The following SLC7A1 variants were observed in gnomAD, a reference collection of about 807,000 sequenced individuals.
SLC7A1 encodes high affinity cationic amino acid transporter 1.
A neutral mutation model predicts 53.9 loss-of-function variants in SLC7A1; 10 were observed. The ratio of observed to expected loss-of-function variants is 0.19; its 90% CI spans 0.11 to 0.31. The LOEUF (loss-of-function observed/expected upper bound fraction) is 0.31, where lower values mean the gene tolerates loss of function less well. Ranked by LOEUF, SLC7A1 falls within the 10% of genes least tolerant of loss-of-function variation. The probability of loss-of-function intolerance (pLI) is 1.00; values close to 1 mark genes in which losing one functional copy is unlikely to be tolerated. For missense variants in SLC7A1, 525 were observed against 827.2 expected (o/e 0.63, Z 4.48); for synonymous variants, 342 against 338.7 (o/e 1.01, Z -0.11).
chr13:29,565,225 T>C (rs770792444), intron 1 of SLC7A1, among the ~76,000 whole-genome samples: 40 of 152,250 alleles, frequency 2.6e-4, no homozygotes, highest in Non-Finnish European at 4.6e-4. Context: ...ATACAGACCT[T>C]TCCAGTGAGG....
In SLC7A1 at chr13:29,511,050, C is replaced by G. The variant is rs1219602776; in HGVS notation, c.*3430G>C. The G allele has an allele frequency of 6.6e-6, 1 of 152,366 alleles. No individual in the cohort carries two copies. Among genetic ancestry groups the G allele is most frequent in the African/African-American group, 2.4e-5 (1 of 41,474 alleles). 9.4% of individuals were successfully genotyped at this position (152,366 alleles called of 1,614,324 possible). ...CCAGTTCACAATGCCTGCTCCGTGG[C>G]AGGGGCACGGCAGGGAGGAGCTGGT... On this transcript the variant is annotated 3_prime_UTR_variant, in exon 13 of 13. Transcript: ENST00000380752.
In SLC7A1 at chr13:29,510,871, CTGCGTCGCGCAA is replaced by C. The variant is rs1883370009; in HGVS notation, c.*3597_*3608del. ...GGCAGGCTTGCTTTAGCATTGAGTC[CTGCGTCGCGCAA>C]TGCCCAGGACCTTGCCTGTTAAGTC... On this transcript the variant is annotated 3_prime_UTR_variant, in exon 13 of 13. Coordinates refer to ENST00000380752, the MANE Select transcript of SLC7A1 (RefSeq NM_003045.5). The C allele has an allele frequency of 6.6e-6, 1 of 152,290 alleles. No individual in the cohort carries two copies. The highest frequency in any genetic ancestry group is 2.4e-5 in the African/African-American group (1 of 41,474). The allele number at this position is 152,290 out of a possible 1,614,324, so 9.4% of individuals were successfully genotyped here.
rs781430231 is a variant in SLC7A1, at chr13:29,524,300, T to C, written c.705-47A>G. On this transcript the variant is annotated intron_variant, in intron 5 of 12. Transcript: ENST00000380752. ...AAATGTCACGTCACTCGCTGCGCAG[T>C]CTGGCGTAAGGAGCTGTGCTCATCT... 20 of 1,612,252 alleles carry C rather than the reference T, an allele frequency of 1.2e-5. 1 individual carries two copies. The South Asian group carries it at 1.9e-4, about 15-fold the overall frequency.
intron 2 of SLC7A1, among the ~76,000 whole-genome samples, chr13:29,552,025 C>T (rs1224808418): frequency 2.0e-5 from 3 of 152,120 alleles, no homozygotes. Context: ...GCAGGCTGCT[C>T]AAAGTTGCTT....
At chr13:29,523,244 C>A (rs758530197) in intron 7 of SLC7A1, 22 bp downstream of exon 7, 1 of 1,600,998 alleles carries the variant, frequency 6.2e-7, no homozygotes, top group East Asian at 2.2e-5. Flanking sequence ...CTAGGAGCAG[C>A]CACCACAGAA....
intron 3 of SLC7A1, among the ~76,000 whole-genome samples, chr13:29,534,557 AGAAGGT>A (rs1275077081): frequency 2.6e-5 from 4 of 152,210 alleles, no homozygotes; most frequent in African/African-American, 4.8e-5. Flanking sequence ...GGAAAGAAAG[AGAAGGT>A]GCTGCTCGGA....
chr13:29,549,838 T>C (rs1171897471), intron 2 of SLC7A1, among the ~76,000 whole-genome samples: 1 of 152,160 alleles, frequency 6.6e-6, no homozygotes, highest in Non-Finnish European at 1.5e-5. Flanking sequence ...TTAATTTTTG[T>C]ATTTTTTTAG....
intron 1 of SLC7A1, among the ~76,000 whole-genome samples, chr13:29,565,135 C>CTAGT (rs1870913880): frequency 6.6e-6 from 1 of 152,212 alleles, no homozygotes; most frequent in African/African-American, 2.4e-5. Flanking sequence ...AATGAGCTAA[C>CTAGT]TGGGCAGACT....
At position 29,512,945 on chromosome 13, in the gene SLC7A1, A is replaced by T. The variant is rs1023975661; in HGVS notation, c.*1535T>A. The T allele has an allele frequency of 1.4e-5, 2 of 145,766 alleles. No homozygotes were observed. The highest frequency in any genetic ancestry group is 4.9e-5 in the African/African-American group (2 of 40,538). The allele number at this position is 145,766 out of a possible 1,614,324, so 9.0% of individuals were successfully genotyped here. ...TGTGTCAAAGGCCAGACTAGGAAGA[A>T]ATGGAAAGGAAACTAAGTTTTGAAA... On this transcript the variant is annotated 3_prime_UTR_variant, in exon 13 of 13. Coordinates refer to ENST00000380752, the MANE Select transcript of SLC7A1 (RefSeq NM_003045.5).
chr13:29,564,620 C>T (rs1384844306), intron 1 of SLC7A1, among the ~76,000 whole-genome samples: 1 of 152,174 alleles, frequency 6.6e-6, no homozygotes, highest in African/African-American at 2.4e-5. Context: ...CAAGGACGAT[C>T]CTCCCACTTA....
At chr13:29,515,680 T>G (rs1427252989) in intron 12 of SLC7A1, among the ~76,000 whole-genome samples, 4 of 152,146 alleles carry the variant, frequency 2.6e-5, no homozygotes, top group Non-Finnish European at 5.9e-5. Context: ...GTGATCTATC[T>G]CATGTGGAAG....
In SLC7A1 at chr13:29,511,973, T is replaced by C. The variant is rs1283547009; in HGVS notation, c.*2507A>G. On this transcript the variant is annotated 3_prime_UTR_variant, in exon 13 of 13. Coordinates refer to ENST00000380752, the MANE Select transcript of SLC7A1 (RefSeq NM_003045.5). ...ACTAAGAGATGTGAAACTATCATTT[T>C]TTTTTTGCTTGTGTGTATTTTTATT... The C allele has an allele frequency of 6.6e-6, 1 of 152,200 alleles. No homozygotes were observed. Among genetic ancestry groups the C allele is most frequent in the Non-Finnish European group, 1.5e-5 (1 of 68,034 alleles). 9.4% of individuals were successfully genotyped at this position (152,200 alleles called of 1,614,324 possible). A position where few individuals can be genotyped will look rare whatever the true frequency, so the allele number is the denominator to read the frequency against.
At position 29,535,972 on chromosome 13, in the gene SLC7A1, C is replaced by T. The variant is rs1178335391; in HGVS notation, c.217G>A (p.Ala73Thr). The T allele has an allele frequency of 2.5e-6, 4 of 1,614,140 alleles. No individual in the cohort carries two copies. The highest frequency in any genetic ancestry group is 1.1e-5 in the South Asian group (1 of 91,084). The change falls in exon 3 of 13, where the codon GCT becomes ACT. Residue 73 changes from alanine to threonine, a missense_variant. By Grantham distance (58) the Ala-to-Thr change is moderately conservative. Around this residue, in one of 4 missense-constraint regions of SLC7A1, gnomAD observed 354 missense variants for 587.5 expected, o/e 0.60. Transcript: ENST00000380752. ...CCAGCCAGCACTGAGGCCAGCGCAG[C>T]GATCAGGAAGGAGATGACAATGGCA... Reference protein sequence around the residue: ...GPAIVISFLIAALASVLAGLC... With the variant: ...GPAIVISFLITALASVLAGLC...
At chr13:29,594,561 ACT>A (rs1356622020) in intron 1 of SLC7A1, among the ~76,000 whole-genome samples, 1 of 152,116 alleles carries the variant, frequency 6.6e-6, no homozygotes, top group Non-Finnish European at 1.5e-5. Context: ...TTTTAGAATG[ACT>A]CTGACCTGCC....
chr13:29,517,433 T>C (rs1019330795), intron 10 of SLC7A1, 123 bp from the exon 11 acceptor site: 36 of 1,249,196 alleles, frequency 2.9e-5, no homozygotes, highest in Non-Finnish European at 3.6e-5. Context: ...ACAACTACAG[T>C]TAACACAGAG....
Position 29,552,884 on chromosome 13 carries a change from T to C in SLC7A1, c.-15+877A>G, listed in dbSNP as rs2139134676. 1.3e-5 allele frequency among the ~76,000 whole-genome samples: 2 copies of C among 152,328 alleles called. 1 individual carries two copies. Among genetic ancestry groups the C allele is most frequent in the Non-Finnish European group, 2.9e-5 (2 of 68,034 alleles). On this transcript the variant is annotated intron_variant, in intron 2 of 12. Coordinates refer to ENST00000380752, the MANE Select transcript of SLC7A1 (RefSeq NM_003045.5). ...TTCAATTCCTCTAGCGCCGCTGGGTTAGGGTCTCCGACCAAGCTGGTCTCG... is the reference window on the plus strand; with the variant it reads ...TTCAATTCCTCTAGCGCCGCTGGGTCAGGGTCTCCGACCAAGCTGGTCTCG...
At chr13:29,543,906 T>C (rs1869786903) in intron 2 of SLC7A1, among the ~76,000 whole-genome samples, 1 of 152,128 alleles carries the variant, frequency 6.6e-6, no homozygotes, top group African/African-American at 2.4e-5. Context: ...GTGCCATTCC[T>C]TGGGCTGAGC....
chr13:29,528,309 T>C (rs145923979), intron 5 of SLC7A1, among the ~76,000 whole-genome samples: 11 of 152,352 alleles, frequency 7.2e-5, no homozygotes, highest in African/African-American at 2.2e-4. Context: ...TATTGCTATG[T>C]CCACAGAACA....
chr13:29,578,552 G>A (rs280928), intron 1 of SLC7A1, among the ~76,000 whole-genome samples: 131,603 of 152,222 alleles, frequency 0.86, 57,902 homozygotes, highest in Middle Eastern at 0.96. Context: ...AGCTGAGTCT[G>A]CCCAGAGCCC....
Sources: allele counts gnomAD v4.1 joint callset (sites outside exome capture counted in the v4.1 genomes callset), GRCh38; gene constraint gnomAD v4.1.1; regional missense constraint gnomAD v4.1.1; transcripts MANE v1.5; gene names NCBI Gene and HGNC (gene_info 2026-07-23, HGNC 2026-07-21).